GRIK4: variants seen among roughly 807,000 people sequenced by gnomAD.
GRIK4 encodes the protein glutamate ionotropic receptor kainate type subunit 4, also known as glutamate receptor ionotropic, kainate 4.
Under a neutral mutation model 104.9 loss-of-function variants are expected in GRIK4, and 40 were observed. The ratio of observed to expected loss-of-function variants is 0.38; its 90% CI spans 0.30 to 0.50. GRIK4 has a LOEUF of 0.50. GRIK4 is among the 20% of genes least tolerant of loss of function. The pLI, the probability that GRIK4 is intolerant of heterozygous loss-of-function variation, is 0.93. For missense variants in GRIK4, 1,047 were observed against 1,308.1 expected (o/e 0.80, Z 3.08); for synonymous variants, 485 against 524.9 (o/e 0.92, Z 1.04).
chr11:120,956,021 G>A lies in GRIK4; in HGVS notation c.1701-759G>A, dbSNP rs978694874. 1.3e-5 allele frequency among the ~76,000 whole-genome samples: 2 copies of A among 152,098 alleles called. No individual in the cohort carries two copies. The highest frequency in any genetic ancestry group is 4.8e-5 in the African/African-American group (2 of 41,424). On this transcript the variant is annotated intron_variant, in intron 15 of 20. Transcript: ENST00000527524. This position sits in a 1 kb window ranked among gnomAD's most constrained non-coding sequence, Gnocchi z 4.6. ...CCCAGCCATCTGTGTCAGCACACCG[G>A]CTTGGTGGTTCTGAGGTAGGCTAAG... is the stretch of plus-strand genomic sequence containing the variant.
chr11:120,886,572 C>T (rs902462220), intron 11 of GRIK4, among the ~76,000 whole-genome samples: 5 of 152,204 alleles, frequency 3.3e-5, no homozygotes, highest in African/African-American at 1.2e-4. Flanking sequence ...TGACCAGAGG[C>T]TCACAGGAAC....
intron 1 of GRIK4, among the ~76,000 whole-genome samples, chr11:120,581,378 T>C (rs1948578474): frequency 6.6e-6 from 1 of 152,260 alleles, no homozygotes. Context: ...AGTTTGATGG[T>C]CCAGATTTTG....
intron 3 of GRIK4, among the ~76,000 whole-genome samples, chr11:120,774,062 C>T (rs1419354788): frequency 1.3e-5 from 2 of 152,204 alleles, no homozygotes; most frequent in Non-Finnish European, 2.9e-5. Flanking sequence ...CTACAAACAT[C>T]AGGATTAGAC....
At chr11:120,944,001 G>A (rs528749836) in intron 14 of GRIK4, among the ~76,000 whole-genome samples, 47 of 152,246 alleles carry the variant, frequency 3.1e-4, no homozygotes, top group African/African-American at 1.1e-3. Context: ...TATAATCTCT[G>A]TTTCTGTTCA....
chr11:120,695,949 G>C (rs926061633), intron 3 of GRIK4, among the ~76,000 whole-genome samples: 30 of 152,168 alleles, frequency 2.0e-4, no homozygotes, highest in African/African-American at 7.0e-4. Flanking sequence ...AGTAGGAGGA[G>C]GGCCCAGGCT....
rs1943687809 is a variant in GRIK4 at position 120,940,111 on chromosome 11, T to G, written c.1477-236T>G. ...TAGTGATACCCCCTGTTTTTAAAAT[T>G]ATTTATGTATTTAAAGGGATCTAAC... On this transcript the variant is annotated intron_variant, in intron 13 of 20. Coordinates refer to ENST00000527524, the MANE Select transcript of GRIK4 (RefSeq NM_014619.5). The surrounding 1 kb of genome is among the most constrained non-coding windows in gnomAD (Gnocchi z 4.3). Among the ~76,000 whole-genome samples the G allele has an allele frequency of 6.6e-6, 1 of 152,178 alleles. No individual in the cohort carries two copies. The highest frequency in any genetic ancestry group is 1.5e-5 in the Non-Finnish European group (1 of 68,028).
chr11:120,909,157 G>A (rs78997569), intron 13 of GRIK4, among the ~76,000 whole-genome samples: 1,789 of 152,380 alleles, frequency 0.012, 28 homozygotes, highest in Non-Finnish European at 0.019. Context: ...CCTCTCTCCA[G>A]TGAAGACTGG....
At chr11:120,798,550 GC>G (rs1428111241) in intron 3 of GRIK4, among the ~76,000 whole-genome samples, 1 of 152,092 alleles carries the variant, frequency 6.6e-6, no homozygotes, top group African/African-American at 2.4e-5. Context: ...GATCCTGTTG[GC>G]TCACTGCAAC....
At chr11:120,585,310 A>T (rs554753641) in intron 1 of GRIK4, among the ~76,000 whole-genome samples, 2 of 149,502 alleles carry the variant, frequency 1.3e-5, no homozygotes, top group African/African-American at 2.5e-5. Context: ...AATTCTTCTG[A>T]GTTCTTTTCA....
At chr11:120,527,404 T>A (rs558250566) in intron 1 of GRIK4, among the ~76,000 whole-genome samples, 86 of 152,260 alleles carry the variant, frequency 5.6e-4, no homozygotes, top group African/African-American at 2.0e-3. Flanking sequence ...TTCACTCAGT[T>A]AAAACCCCTC....
At chr11:120,554,029 T>C (rs1431346305) in intron 1 of GRIK4, among the ~76,000 whole-genome samples, 1 of 152,056 alleles carries the variant, frequency 6.6e-6, no homozygotes, top group Non-Finnish European at 1.5e-5. Flanking sequence ...TTGGGGACAC[T>C]TGTGGATGAT....
chr11:120,720,839 G>A (rs563577301), intron 3 of GRIK4, among the ~76,000 whole-genome samples: 2 of 152,256 alleles, frequency 1.3e-5, no homozygotes, highest in Admixed American at 6.5e-5. Flanking sequence ...CTGTCTCAGT[G>A]TGTGATGGAA....
intron 3 of GRIK4, among the ~76,000 whole-genome samples, chr11:120,759,565 A>G (rs1379713168): frequency 1.3e-5 from 2 of 151,772 alleles, no homozygotes; most frequent in Non-Finnish European, 2.9e-5. Context: ...GTCTTCCCTC[A>G]AGTCTTAATG....
chr11:120,853,439 G>T (rs891628468), intron 8 of GRIK4, among the ~76,000 whole-genome samples: 2 of 152,204 alleles, frequency 1.3e-5, no homozygotes. Context: ...GACCAAGCTG[G>T]TGAGGATCTG....
intron 4 of GRIK4, among the ~76,000 whole-genome samples, chr11:120,805,702 C>T (rs1166221577): frequency 6.6e-6 from 1 of 152,168 alleles, no homozygotes. Context: ...TAAACACTAC[C>T]CAGGTAAAGT....
chr11:120,980,139 T>C (rs1433650808), intron 19 of GRIK4, among the ~76,000 whole-genome samples: 1 of 152,148 alleles, frequency 6.6e-6, no homozygotes, highest in East Asian at 1.9e-4. Context: ...TCCAGCCCCT[T>C]TTCCTGTTTT....
intron 19 of GRIK4, among the ~76,000 whole-genome samples, chr11:120,974,594 A>G (rs17124620): frequency 0.034 from 5,238 of 152,334 alleles, 300 homozygotes; most frequent in African/African-American, 0.12. Context: ...ATCCAATATT[A>G]CAGCTCAAAC....
intron 11 of GRIK4, among the ~76,000 whole-genome samples, chr11:120,894,967 T>C (rs1942536182): frequency 6.6e-6 from 1 of 150,556 alleles, no homozygotes; most frequent in South Asian, 2.1e-4. Flanking sequence ...GATGAGTTTA[T>C]TAATTTCTTG....
intron 3 of GRIK4, among the ~76,000 whole-genome samples, chr11:120,775,644 TCCTAGCAGGAAGA>T (rs1403373826): frequency 6.6e-6 from 1 of 152,242 alleles, no homozygotes. Context: ...TTACAAATTA[TCCTAGCAGGAAGA>T]CCTTGACTAA....
Sources: gnomAD v4.1 joint callset for allele counts (sites outside exome capture counted in the v4.1 genomes callset) on GRCh38, gnomAD v4.1.1 for gene constraint, Gnocchi (gnomAD v3.1) non-coding constraint, MANE v1.5 for transcripts, NCBI Gene and HGNC (gene_info 2026-07-23, HGNC 2026-07-21) for gene names.